Variants in PEX5L observed in about 807,000 individuals in gnomAD.
The protein encoded by PEX5L is peroxisomal biogenesis factor 5 like, also known as PEX5-related protein.
Under a neutral mutation model 84.0 loss-of-function variants are expected in PEX5L, and 30 were observed. The ratio of observed to expected loss-of-function variants is 0.36; its 90% confidence interval spans 0.27 to 0.48. The LOEUF (loss-of-function observed/expected upper bound fraction) is 0.48. PEX5L is among the 20% of genes least tolerant of loss of function. The pLI is 0.99. For synonymous variants in PEX5L, 270 were observed against 283.1 expected (o/e 0.95, Z 0.46); for missense variants, 533 against 754.6 (o/e 0.71, Z 3.44).
At chr3:179,816,032 G>C (rs894075288) in intron 9 of PEX5L, 28 bp from the exon 10 acceptor site, 13 of 1,607,844 alleles carry the variant, frequency 8.1e-6, no homozygotes, top group Non-Finnish European at 1.1e-5. Context: ...GCCAGTGCAT[G>C]AGCCATTGAT....
At chr3:179,808,539 C>T in intron 12 of PEX5L, 102 bp from the exon 13 acceptor site, 1 of 918,894 alleles carries the variant, frequency 1.1e-6, no homozygotes, top group Non-Finnish European at 1.5e-6. Flanking sequence ...CTCTTCGTTA[C>T]AGACTGGAAA....
At chr3:179,999,840 G>GA (rs1489131845) in intron 1 of PEX5L, among the ~76,000 whole-genome samples, 2 of 152,272 alleles carry the variant, frequency 1.3e-5, no homozygotes, top group African/African-American at 4.8e-5. Flanking sequence ...CCATCATCCT[G>GA]AAGCAGCCGG....
chr3:179,991,159 T>G (rs2110371518), intron 1 of PEX5L, among the ~76,000 whole-genome samples: 1 of 152,286 alleles, frequency 6.6e-6, no homozygotes, highest in South Asian at 2.1e-4. Context: ...CCAAACCGAC[T>G]TACTGTCTTT....
Position 179,807,680 on chromosome 3 carries a change from G to T in PEX5L, c.1670C>A (p.Ala557Asp). Residue 557 changes from alanine to aspartate, a missense_variant, in exon 14 of 15, where the codon GCC (alanine) becomes GAC (aspartate). By Grantham distance (126) the Ala-to-Asp change is moderately radical (BLOSUM62 -2). Transcript: ENST00000467460. ...GCCTGTTGCTGTACTTCACCTGTAG[G>T]CGCCCAGGTTGATGCAGCTTATTCC... The part of the protein sequence containing the change: ...NLGISCINLG[A>D]YREAVSNFLT... 6.2e-7 allele frequency: 1 copy of T among 1,613,860 alleles called. No homozygotes were observed. Among genetic ancestry groups the T allele is most frequent in the Non-Finnish European group, 8.5e-7 (1 of 1,179,856 alleles).
chr3:179,982,059 G>C (rs1028663206), intron 1 of PEX5L, among the ~76,000 whole-genome samples: 1 of 152,186 alleles, frequency 6.6e-6, no homozygotes, highest in Admixed American at 6.5e-5. Flanking sequence ...TGTGTTTAAA[G>C]AACTAGTTGA....
chr3:179,824,092 AAAG>A (rs1158743623), intron 8 of PEX5L, among the ~76,000 whole-genome samples: 9 of 152,166 alleles, frequency 5.9e-5, no homozygotes, highest in Admixed American at 2.6e-4. Flanking sequence ...AAGAATAAGA[AAAG>A]AAGCAATTTA....
intron 2 of PEX5L, among the ~76,000 whole-genome samples, chr3:179,954,647 G>C (rs1156551211): frequency 1.3e-5 from 2 of 152,136 alleles, no homozygotes; most frequent in Non-Finnish European, 2.9e-5. Flanking sequence ...TCGTTTTCTT[G>C]ATGGCTGGTG....
intron 2 of PEX5L, among the ~76,000 whole-genome samples, chr3:179,959,110 C>A (rs1781382026): frequency 6.6e-6 from 1 of 151,964 alleles, no homozygotes; most frequent in South Asian, 2.1e-4. Flanking sequence ...CCTCCAGAGT[C>A]TGAAGCTCAG....
chr3:179,845,207 G>T (rs1283548163), intron 8 of PEX5L, among the ~76,000 whole-genome samples: 1 of 152,066 alleles, frequency 6.6e-6, no homozygotes, highest in Admixed American at 6.6e-5. Flanking sequence ...AATATATTCT[G>T]ATTTTTTGGG....
intron 2 of PEX5L, among the ~76,000 whole-genome samples, chr3:179,943,865 A>G (rs1286682786): frequency 6.6e-6 from 1 of 152,118 alleles, no homozygotes; most frequent in Non-Finnish European, 1.5e-5. Context: ...CAGCTATTCA[A>G]ATTCCCTGGG....
At chr3:180,024,248 G>A (rs1790694641) in intron 1 of PEX5L, among the ~76,000 whole-genome samples, 1 of 150,868 alleles carries the variant, frequency 6.6e-6, no homozygotes, top group Non-Finnish European at 1.5e-5. Flanking sequence ...ACATATAAGA[G>A]TAACTGTGCC....
chr3:179,967,245 T>G (rs185011574), intron 2 of PEX5L, among the ~76,000 whole-genome samples: 1 of 152,256 alleles, frequency 6.6e-6, no homozygotes, highest in East Asian at 1.9e-4. Flanking sequence ...TGGGACTGGA[T>G]GGCAGGAGGG....
intron 2 of PEX5L, among the ~76,000 whole-genome samples, chr3:179,909,500 G>T (rs1764425774): frequency 6.6e-6 from 1 of 151,988 alleles, no homozygotes. Context: ...AGACTAATAG[G>T]GTACAGAGAT....
rs895213255 is a variant in PEX5L, at chr3:179,986,864, A to G, written c.22-15199T>C. On this transcript the variant is annotated intron_variant, in intron 1 of 14. Coordinates refer to ENST00000467460, the MANE Select transcript of PEX5L (RefSeq NM_016559.3). ...CCATTTCATTGAAAGTTCGAATAAC[A>G]TAATGCAAAAATACATATTTGATTA... Among the ~76,000 whole-genome samples the G allele has an allele frequency of 1.1e-4, 16 of 152,354 alleles. 2 individuals are homozygous for G. The highest frequency in any genetic ancestry group is 3.6e-4 in the African/African-American group (15 of 41,578).
At chr3:179,924,657 C>T (rs1412784117) in intron 2 of PEX5L, among the ~76,000 whole-genome samples, 1 of 152,062 alleles carries the variant, frequency 6.6e-6, no homozygotes, top group Non-Finnish European at 1.5e-5. Context: ...CATTTCAGGC[C>T]AGGACCATGG....
rs139631058 is a variant in PEX5L at position 180,005,653 on chromosome 3, C to T, written c.21+30926G>A. ...CTGAGGCAGGAGAATGGTGTGAACACGGGAGGTGGAGCTTGCAGTGAGCAG... is the reference window on the plus strand; with the variant it reads ...CTGAGGCAGGAGAATGGTGTGAACATGGGAGGTGGAGCTTGCAGTGAGCAG... On this transcript the variant is annotated intron_variant, in intron 1 of 14. Coordinates refer to ENST00000467460, the MANE Select transcript of PEX5L (RefSeq NM_016559.3). Among the ~76,000 whole-genome samples, 736 of 151,882 alleles carry T rather than the reference C, an allele frequency of 4.8e-3. 4 individuals are homozygous for T. The highest frequency in any genetic ancestry group is 0.017 in the African/African-American group (700 of 41,352).
intron 2 of PEX5L, among the ~76,000 whole-genome samples, chr3:179,930,902 C>T (rs539857391): frequency 2.0e-5 from 3 of 152,076 alleles, no homozygotes; most frequent in Non-Finnish European, 4.4e-5. Context: ...TCAGACAATC[C>T]CTGTTTGCTT....
chr3:180,018,183 C>T (rs1328524453), intron 1 of PEX5L, among the ~76,000 whole-genome samples: 1 of 152,124 alleles, frequency 6.6e-6, no homozygotes, highest in Non-Finnish European at 1.5e-5. Flanking sequence ...TAATATATAC[C>T]ATATACCTCA....
intron 1 of PEX5L, among the ~76,000 whole-genome samples, chr3:180,016,098 A>ACAC (rs56152525): frequency 0.13 from 19,338 of 151,298 alleles, 1,347 homozygotes; most frequent in African/African-American, 0.19. Flanking sequence ...AAGTGCTGTA[A>ACAC]CACCACCACC....
Sources: allele counts gnomAD v4.1 joint callset (sites outside exome capture counted in the v4.1 genomes callset), GRCh38; gene constraint gnomAD v4.1.1; transcripts MANE v1.5; gene names NCBI Gene and HGNC (gene_info 2026-07-23, HGNC 2026-07-21).